Variants in PDGFD observed in about 807,000 individuals in gnomAD.
The protein encoded by PDGFD is platelet-derived growth factor D.
In PDGFD, 30 loss-of-function variants were observed where a neutral mutation model predicts 44.7. The ratio of observed to expected loss-of-function variants is 0.67; its 90% CI spans 0.50 to 0.91. The LOEUF is 0.91. Ranked by LOEUF, PDGFD falls within the 40% of genes least tolerant of loss-of-function variation. The probability of loss-of-function intolerance (pLI) is 0.00; values close to 1 mark genes in which losing one functional copy is unlikely to be tolerated. For missense variants in PDGFD, 445 were observed against 457.8 expected (o/e 0.97, Z 0.25); for synonymous variants, 173 against 168.4 (o/e 1.03, Z -0.21).
chr11:104,027,926 C>T (rs11226117), intron 1 of PDGFD, among the ~76,000 whole-genome samples: 18,734 of 152,072 alleles, frequency 0.12, 1,281 homozygotes, highest in South Asian at 0.22. Flanking sequence ...CGCGGTGGCT[C>T]ACGCTTGTAA....
At chr11:104,156,093 A>G (rs1201960853) in intron 1 of PDGFD, among the ~76,000 whole-genome samples, 2 of 152,256 alleles carry the variant, frequency 1.3e-5, no homozygotes, top group African/African-American at 4.8e-5. Context: ...GAGGTAATGC[A>G]TGTTAATTAG....
chr11:104,068,817 C>G (rs1425379494), intron 1 of PDGFD, among the ~76,000 whole-genome samples: 1 of 152,102 alleles, frequency 6.6e-6, no homozygotes, highest in Non-Finnish European at 1.5e-5. Context: ...CTCTCCCTTT[C>G]TCACATATGC....
At chr11:103,963,176 A>AT (rs1438924468) in intron 3 of PDGFD, among the ~76,000 whole-genome samples, 1 of 152,074 alleles carries the variant, frequency 6.6e-6, no homozygotes, top group African/African-American at 2.4e-5. Context: ...ACATTTTCAC[A>AT]TTTTTTCCTT....
At chr11:103,989,448 T>A (rs1340733646) in intron 3 of PDGFD, among the ~76,000 whole-genome samples, 1 of 152,232 alleles carries the variant, frequency 6.6e-6, no homozygotes, top group South Asian at 2.1e-4. Flanking sequence ...TTCTGGTACA[T>A]ACATTTGTCC....
chr11:104,048,372 C>T (rs560400076), intron 1 of PDGFD, among the ~76,000 whole-genome samples: 44 of 151,562 alleles, frequency 2.9e-4, no homozygotes, highest in African/African-American at 1.1e-3. Context: ...CTGATTCTGC[C>T]ATTCATTTAT....
chr11:104,098,521 T>C (rs975422533), intron 1 of PDGFD, among the ~76,000 whole-genome samples: 4 of 151,104 alleles, frequency 2.6e-5, no homozygotes, highest in African/African-American at 9.7e-5. Flanking sequence ...TTTTTTTTTT[T>C]TGAGACAGGG....
intron 1 of PDGFD, among the ~76,000 whole-genome samples, chr11:104,090,235 A>G (rs779660220): frequency 6.6e-6 from 1 of 152,220 alleles, no homozygotes; most frequent in Non-Finnish European, 1.5e-5. Context: ...TCCAATTTTA[A>G]CATTTGGATT....
chr11:103,931,045 G>A (rs1858392725), intron 5 of PDGFD, among the ~76,000 whole-genome samples: 1 of 152,044 alleles, frequency 6.6e-6, no homozygotes, highest in Admixed American at 6.6e-5. Context: ...TCCTCAGTGG[G>A]AACAAATGCC....
At chr11:104,003,888 C>A (rs1859658747) in intron 1 of PDGFD, among the ~76,000 whole-genome samples, 1 of 152,084 alleles carries the variant, frequency 6.6e-6, no homozygotes, top group South Asian at 2.1e-4. Context: ...GAGTGCCCAC[C>A]TGGAGCAATG....
chr11:103,979,680 G>A (rs117393011), intron 3 of PDGFD, among the ~76,000 whole-genome samples: 10 of 152,174 alleles, frequency 6.6e-5, no homozygotes, highest in Non-Finnish European at 1.0e-4. Context: ...ATTTGGTAAG[G>A]ATGGAACACA....
intron 3 of PDGFD, among the ~76,000 whole-genome samples, chr11:103,976,123 C>A (rs1282261894): frequency 6.6e-6 from 1 of 152,070 alleles, no homozygotes; most frequent in Admixed American, 6.5e-5. Flanking sequence ...TCTTCCTATC[C>A]ATGAATATGG....
intron 6 of PDGFD, among the ~76,000 whole-genome samples, chr11:103,925,644 ACTCTCT>A (rs1165724093): frequency 1.6e-5 from 2 of 126,272 alleles, no homozygotes; most frequent in Non-Finnish European, 1.7e-5. Context: ...TCTTCAGTCT[ACTCTCT>A]CTCTCTCTCT....
chr11:103,921,576 A>G (rs983906992), intron 6 of PDGFD, among the ~76,000 whole-genome samples: 13 of 151,536 alleles, frequency 8.6e-5, no homozygotes, highest in Admixed American at 1.3e-4. Context: ...AAAATGCATT[A>G]ATACCCCCCC....
At chr11:103,936,069 T>C (rs1317297993) in intron 5 of PDGFD, among the ~76,000 whole-genome samples, 2 of 152,218 alleles carry the variant, frequency 1.3e-5, no homozygotes, top group Non-Finnish European at 2.9e-5. Flanking sequence ...GTACCAAATA[T>C]ACCACATGGT....
intron 1 of PDGFD, among the ~76,000 whole-genome samples, chr11:104,118,340 G>C (rs1861672221): frequency 6.6e-6 from 1 of 151,940 alleles, no homozygotes; most frequent in South Asian, 2.1e-4. Context: ...AGGATACAAT[G>C]AGAAGATGGC....
Position 103,951,396 on chromosome 11 carries a change from C to T in PDGFD, c.511-3672G>A, listed in dbSNP as rs185071371. Among the ~76,000 whole-genome samples, 361 of 152,304 alleles carry T rather than the reference C, an allele frequency of 2.4e-3. 2 individuals are homozygous for T. The highest frequency in any genetic ancestry group is 6.1e-3 in the Admixed American group (94 of 15,298). ...ACTTAGAAACCAGCAAGTTTCCCAA[C>T]TGCCTGTTAGCTCTTCCCCTAGGGT... On this transcript the variant is annotated intron_variant, in intron 3 of 6. Coordinates refer to ENST00000393158, the MANE Select transcript of PDGFD (RefSeq NM_025208.5).
At chr11:104,059,018 G>A (rs145815693) in intron 1 of PDGFD, among the ~76,000 whole-genome samples, 18 of 152,278 alleles carry the variant, frequency 1.2e-4, no homozygotes, top group African/African-American at 4.3e-4. Context: ...ATGGGACATG[G>A]GCCATTTTCA....
In PDGFD at chr11:103,947,644, G is replaced by C. The variant is rs1435049971; in HGVS notation, c.573+18C>G. 3 of 1,601,760 alleles carry C rather than the reference G, an allele frequency of 1.9e-6. No individual in the cohort carries two copies. The highest frequency in any genetic ancestry group is 1.7e-4 in the Middle Eastern group (1 of 6,038). On this transcript the variant is annotated intron_variant, in intron 4 of 6. Transcript: ENST00000393158. ...CCATCCGTTTCTTTTGCTGGCAACA[G>C]AGTAATAAATTACTTACTGAAATAG...
chr11:104,002,804 T>C (rs952203119), intron 1 of PDGFD, among the ~76,000 whole-genome samples: 7 of 152,236 alleles, frequency 4.6e-5, no homozygotes, highest in Non-Finnish European at 8.8e-5. Flanking sequence ...AATTAATATT[T>C]TAATCAAAAG....
Sources: gnomAD v4.1 joint callset for allele counts (sites outside exome capture counted in the v4.1 genomes callset) on GRCh38, gnomAD v4.1.1 for gene constraint, MANE v1.5 for transcripts, NCBI Gene and HGNC (gene_info 2026-07-23, HGNC 2026-07-21) for gene names.